Variants in DLGAP3 observed in about 807,000 individuals in gnomAD.
DLGAP3 encodes the protein DLG associated protein 3, also known as disks large-associated protein 3.
In DLGAP3, 17 loss-of-function variants were observed where a neutral mutation model predicts 81.2. That is an observed-to-expected ratio of 0.21 (90% confidence interval 0.14 to 0.31). The LOEUF is 0.31. DLGAP3 is among the 10% of genes least tolerant of loss of function. The pLI is 1.00. For missense variants in DLGAP3, 1,124 were observed against 1,388.0 expected (o/e 0.81, Z 3.02); for synonymous variants, 577 against 587.4 (o/e 0.98, Z 0.26).
rs1253386306 is a variant in DLGAP3, at chr1:34,884,981, T to G, written c.1997A>C (p.Lys666Thr). 1.1e-5 allele frequency: 18 copies of G among 1,612,822 alleles called. No homozygotes were observed. The highest frequency in any genetic ancestry group is 1.5e-5 in the Non-Finnish European group (18 of 1,179,554). ...HSIGVQVEED[K>T]RRARFKRSNS... ...GGCACTCCCACCGTGACTTTACCTC[T>G]TGTCCTCTTCCACCTGCACGCCAAT... is the stretch of plus-strand genomic sequence containing the variant. The change falls in exon 8 of 12, where the codon AAG becomes ACG. Residue 666 changes from lysine to threonine, a missense_variant. Lys to Thr is a moderately conservative substitution (Grantham distance 78). Transcript: ENST00000373347.
chr1:34,927,076 G>T (rs2148423204), intron 1 of DLGAP3, among the ~76,000 whole-genome samples: 1 of 152,214 alleles, frequency 6.6e-6, no homozygotes, highest in South Asian at 2.1e-4. Context: ...TCACCAGCAG[G>T]AATCAAGACA....
intron 1 of DLGAP3, among the ~76,000 whole-genome samples, chr1:34,919,796 A>G (rs1639770953): frequency 6.6e-6 from 1 of 152,082 alleles, no homozygotes; most frequent in African/African-American, 2.4e-5. Context: ...AAAGAAAAGA[A>G]AAGAACAAAA....
In DLGAP3 at chr1:34,900,147, TGCC is replaced by T; in HGVS notation, c.1231_1233del (p.Gly411del). The T allele has an allele frequency of 6.2e-7, 1 of 1,614,106 alleles. No individual in the cohort carries two copies. The highest frequency in any genetic ancestry group is 8.5e-7 in the Non-Finnish European group (1 of 1,180,042). ...ACTGCTTTGGGAGATGTCTTGGGGC[TGCC>T]GTCTGAGTCTCCGCTCTCCTCATCC... On this transcript the variant is annotated inframe_deletion, in exon 4 of 12. Coordinates refer to ENST00000373347, the MANE Select transcript of DLGAP3 (RefSeq NM_001080418.3). The surrounding 1 kb of genome is among the most constrained non-coding windows in gnomAD (Gnocchi z 5.6).
intron 8 of DLGAP3, among the ~76,000 whole-genome samples, chr1:34,871,426 T>C (rs1027689936): frequency 6.6e-6 from 1 of 152,216 alleles, no homozygotes; most frequent in African/African-American, 2.4e-5. Flanking sequence ...AGACCACTCC[T>C]GAGTACCACA....
chr1:34,918,393 G>A (rs1169554396), intron 1 of DLGAP3, among the ~76,000 whole-genome samples: 3 of 152,212 alleles, frequency 2.0e-5, no homozygotes, highest in South Asian at 2.1e-4. Context: ...CGGAGCTGAT[G>A]TGGTCTCAGC....
intron 1 of DLGAP3, among the ~76,000 whole-genome samples, chr1:34,907,696 C>A (rs1242481136): frequency 4.6e-5 from 7 of 152,194 alleles, no homozygotes; most frequent in Non-Finnish European, 1.0e-4. Flanking sequence ...TGCTGAGCCA[C>A]TGCGTTGTTT....
intron 1 of DLGAP3, among the ~76,000 whole-genome samples, chr1:34,924,962 G>A (rs1639846780): frequency 6.6e-6 from 1 of 152,140 alleles, no homozygotes; most frequent in African/African-American, 2.4e-5. Context: ...GGGACCGAAC[G>A]AAGCCTCATT....
Position 34,873,606 on chromosome 1 carries a change from G to C in DLGAP3, c.2001-4517C>G, listed in dbSNP as rs1373255415. Among the ~76,000 whole-genome samples, 1 of 152,216 alleles carries C rather than the reference G, an allele frequency of 6.6e-6. No individual in the cohort carries two copies. The highest frequency in any genetic ancestry group is 1.5e-5 in the Non-Finnish European group (1 of 68,046). ...GTTTGCAGCTCTCACTGAAAAGAGA[G>C]GGAGCTGGACAAACACAATCATCGG... On this transcript the variant is annotated intron_variant, in intron 8 of 11. Coordinates refer to ENST00000373347, the MANE Select transcript of DLGAP3 (RefSeq NM_001080418.3). This position sits in a 1 kb window ranked among gnomAD's most constrained non-coding sequence, Gnocchi z 4.2.
Position 34,905,138 on chromosome 1 carries a change from A to C in DLGAP3, c.246T>G (p.Val82=), listed in dbSNP as rs1026067095. ...TGGGGAAGGTGCTGCTACCCCCCCC[A>C]ACCCCGGCCCCCGCTGGCCCTCCCT... ...GPEGGPAGAG[V]GGGSSTFPRM... Residue 82 remains valine, a synonymous_variant, in exon 3 of 12, where the codon GTT becomes GTG. Coordinates refer to ENST00000373347, the MANE Select transcript of DLGAP3 (RefSeq NM_001080418.3). 3.7e-5 allele frequency: 58 copies of C among 1,570,122 alleles called. No individual in the cohort carries two copies. Among genetic ancestry groups the C allele is most frequent in the Non-Finnish European group, 4.8e-5 (55 of 1,157,284 alleles).
intron 7 of DLGAP3, 57 bp from the exon 8 acceptor site, chr1:34,885,120 C>T (rs897815367): frequency 2.0e-5 from 30 of 1,495,436 alleles, no homozygotes; most frequent in Non-Finnish European, 2.7e-5. Flanking sequence ...AAGCCCTTCC[C>T]GGGGAGAACG....
intron 1 of DLGAP3, among the ~76,000 whole-genome samples, chr1:34,913,020 C>T (rs1639660545): frequency 6.6e-6 from 1 of 152,170 alleles, no homozygotes; most frequent in African/African-American, 2.4e-5. Context: ...CTCCCTCAAC[C>T]CCACTAGCCA....
rs1557470583 is a variant in DLGAP3 at position 34,886,180 on chromosome 1, T to C, written c.1492A>G (p.Met498Val). ...DALDLPGCFR[M>V]RSHSYLRAIQ... The stretch of plus-strand genomic sequence containing the variant: ...GCCCGGAGGTAGCTGTGGCTCCGCA[T>C]GCGGAAACAGCCGGGCAGGTCCAGG... The change falls in exon 6 of 12, where the codon ATG becomes GTG. Residue 498 changes from methionine to valine, a missense_variant. Transcript: ENST00000373347. 6.2e-7 allele frequency: 1 copy of C among 1,611,204 alleles called. No homozygotes were observed.
chr1:34,882,003 A>G (rs1228240806), intron 8 of DLGAP3, among the ~76,000 whole-genome samples: 2 of 152,232 alleles, frequency 1.3e-5, no homozygotes, highest in Admixed American at 6.5e-5. Context: ...TATTCAATGC[A>G]ATATTACAAG....
intron 1 of DLGAP3, among the ~76,000 whole-genome samples, chr1:34,920,977 G>T (rs1639787353): frequency 1.3e-5 from 2 of 152,184 alleles, no homozygotes; most frequent in Non-Finnish European, 2.9e-5. Context: ...TGTTGGGGAG[G>T]TCTTTCCAAA....
At position 34,885,757 on chromosome 1, in the gene DLGAP3, C is replaced by A. The variant is rs762005850; in HGVS notation, c.1635G>T (p.Pro545=). 34 of 1,411,688 alleles carry A rather than the reference C, an allele frequency of 2.4e-5. No homozygotes were observed. The highest frequency in any genetic ancestry group is 5.4e-5 in the East Asian group (2 of 37,228). The allele number at this position is 1,411,688 out of a possible 1,614,324, so 87.4% of individuals were successfully genotyped here. Residue 545 remains proline, a synonymous_variant, in exon 7 of 12, where the codon CCG becomes CCT. Coordinates refer to ENST00000373347, the MANE Select transcript of DLGAP3 (RefSeq NM_001080418.3). ...FNFRKAPPPI[P]PGSQAPPRIS... ...TGCGGGGCGGGGCCTGGCTTCCCGG[C>A]GGGATGGGGGGCGGGGCCTTTCTGA... is the stretch of plus-strand genomic sequence containing the variant.
At chr1:34,890,058 A>G (rs1270470016) in intron 5 of DLGAP3, among the ~76,000 whole-genome samples, 3 of 152,204 alleles carry the variant, frequency 2.0e-5, no homozygotes, top group Non-Finnish European at 4.4e-5. Context: ...AAAATTAGTC[A>G]TCACCACAGG....
intron 1 of DLGAP3, among the ~76,000 whole-genome samples, chr1:34,913,852 A>G (rs1031296451): frequency 6.6e-6 from 1 of 152,172 alleles, no homozygotes; most frequent in African/African-American, 2.4e-5. Context: ...TTAGAAATCC[A>G]GCCTCTATAC....
intron 8 of DLGAP3, among the ~76,000 whole-genome samples, chr1:34,881,216 A>G (rs1047010646): frequency 6.6e-5 from 10 of 152,240 alleles, no homozygotes; most frequent in African/African-American, 2.4e-4. Flanking sequence ...TATAAAAATA[A>G]TATAGCAAAA....
At chr1:34,880,473 G>C (rs1470142915) in intron 8 of DLGAP3, among the ~76,000 whole-genome samples, 1 of 152,218 alleles carries the variant, frequency 6.6e-6, no homozygotes, top group African/African-American at 2.4e-5. Flanking sequence ...GCTCACGCCT[G>C]TAATCCCAGG....
Sources: gnomAD v4.1 joint callset for allele counts (sites outside exome capture counted in the v4.1 genomes callset) on GRCh38, gnomAD v4.1.1 for gene constraint, Gnocchi (gnomAD v3.1) non-coding constraint, MANE v1.5 for transcripts, NCBI Gene and HGNC (gene_info 2026-07-23, HGNC 2026-07-21) for gene names.